EQTN: variants seen among roughly 807,000 people sequenced by gnomAD.
The protein encoded by EQTN is equatorin.
A neutral mutation model predicts 26.9 loss-of-function variants in EQTN; 29 were observed. The ratio of observed to expected loss-of-function variants is 1.08; its 90% CI spans 0.80 to 1.47. The LOEUF is 1.47. Among genes scored for constraint, EQTN ranks in the 40% most tolerant of loss-of-function variants. The probability of loss-of-function intolerance (pLI) is 0.00; values close to 1 mark genes in which losing one functional copy is unlikely to be tolerated. For missense variants in EQTN, 391 were observed against 346.1 expected (o/e 1.13, Z -1.03); for synonymous variants, 129 against 120.0 (o/e 1.07, Z -0.49).
chr9:27,291,127 AGTTT>A, intron 4 of EQTN, 64 bp from the exon 5 acceptor site: 1 of 1,425,320 alleles, frequency 7.0e-7, no homozygotes, highest in Non-Finnish European at 9.5e-7. Context: ...AAAATAATTT[AGTTT>A]GAGGAACATT....
At chr9:27,296,551 CTT>C (rs1820348160) in intron 2 of EQTN, 60 bp downstream of exon 2, 3 of 1,196,810 alleles carry the variant, frequency 2.5e-6, no homozygotes, top group African/African-American at 1.5e-5. Flanking sequence ...AAAAAGGACA[CTT>C]AAGTGAAACC....
rs1180485307 is a variant in EQTN at position 27,292,399 on chromosome 9, A to G, written c.376+2T>C. The G allele has an allele frequency of 3.2e-6, 5 of 1,576,562 alleles. No homozygotes were observed. Among genetic ancestry groups the G allele is most frequent in the Non-Finnish European group, 4.3e-6 (5 of 1,150,508 alleles). ...ATGAATACAGTGTAGTAATTTAAAT[A>G]CTTTGAATATTTTTATGAGAGGGTT... On this transcript the variant is annotated splice_donor_variant, in intron 4 of 7. Coordinates refer to ENST00000380032, the MANE Select transcript of EQTN (RefSeq NM_020641.3). LOFTEE classifies it high-confidence loss of function.
chr9:27,290,987 G>A (rs750271758), intron 5 of EQTN, 32 bp downstream of exon 5: 44 of 1,599,766 alleles, frequency 2.8e-5, no homozygotes, highest in South Asian at 9.1e-5. Context: ...AAACCAAAAT[G>A]TTTCCCAAGC....
intron 3 of EQTN, among the ~76,000 whole-genome samples, chr9:27,293,165 G>A (rs1372235158): frequency 6.6e-6 from 1 of 152,054 alleles, no homozygotes; most frequent in African/African-American, 2.4e-5. Flanking sequence ...TTCTACAGAG[G>A]GGCAGAAAAA....
rs371630229 is a variant in EQTN, at chr9:27,289,621, A to G, written c.481+51T>C. 51 of 1,493,116 alleles carry G rather than the reference A, an allele frequency of 3.4e-5. No individual in the cohort carries two copies. The African/African-American group carries it at 6.3e-4, about 19-fold the overall frequency. 92.5% of individuals were successfully genotyped at this position (1,493,116 alleles called of 1,614,324 possible). ...TGCCTCAGCCTCCCAAAGTGCTGGG[A>G]TTATAGGCATTAGCCACTGCACCCA... On this transcript the variant is annotated intron_variant, in intron 6 of 7. Transcript: ENST00000380032.
intron 3 of EQTN, 147 bp from the exon 4 acceptor site, chr9:27,292,634 C>A (rs1820260913): frequency 1.9e-6 from 1 of 524,574 alleles, no homozygotes; most frequent in Non-Finnish European, 3.3e-6. Context: ...TAACATTTTC[C>A]AGAAATAAAG....
Position 27,284,835 on chromosome 9 carries a change from G to A in EQTN, c.773C>T (p.Ser258Leu). Residue 258 changes from serine to leucine, a missense_variant, in exon 8 of 8, where the codon TCA becomes TTA. Transcript: ENST00000380032. ...TCTTGTGCCTGATCTTCTCATATCT[G>A]AAGAAGTGGTACCCAAAAATGTGCT... Reference protein sequence around the residue: ...ESSTFLGTTSSDMRRSGTRTS... With the variant: ...ESSTFLGTTSLDMRRSGTRTS... 10 of 1,614,066 alleles carry A rather than the reference G, an allele frequency of 6.2e-6. No homozygotes were observed. Among genetic ancestry groups the A allele is most frequent in the Non-Finnish European group, 8.5e-6 (10 of 1,180,004 alleles).
At chr9:27,296,346 A>G (rs1221511243) in intron 2 of EQTN, among the ~76,000 whole-genome samples, 1 of 152,210 alleles carries the variant, frequency 6.6e-6, no homozygotes, top group African/African-American at 2.4e-5. Context: ...AATAAGCCTT[A>G]AAGATAAGCA....
chr9:27,286,335 T>A lies in EQTN; in HGVS notation c.509A>T (p.Glu170Val), dbSNP rs1410283987. 6.2e-7 allele frequency: 1 copy of A among 1,600,744 alleles called. No homozygotes were observed. Among genetic ancestry groups the A allele is most frequent in the African/African-American group, 1.3e-5 (1 of 74,816 alleles). ...PESDVNATQGENQPDLEDLKI... is the reference protein window; with the variant it reads ...PESDVNATQGVNQPDLEDLKI... ...CAGATCCTCTAGATCTGGCTGATTT[T>A]CTCCCTGTGTAGCATTCACATCAGA... Residue 170 changes from glutamate (E) to valine (V), a missense_variant, in exon 7 of 8, where the codon GAA becomes GTA. Glu to Val is a moderately radical substitution (Grantham distance 121). Transcript: ENST00000380032.
In EQTN at chr9:27,284,780, G is replaced by T; in HGVS notation, c.828C>A (p.Ile276=). 6.2e-7 allele frequency: 1 copy of T among 1,614,092 alleles called. No individual in the cohort carries two copies. The change falls in exon 8 of 8, where the codon ATC becomes ATA. Residue 276 remains isoleucine (I), a synonymous_variant. Coordinates refer to ENST00000380032, the MANE Select transcript of EQTN (RefSeq NM_020641.3). ...RTSESKIMTD[I]ISIGSDNEMH... ...TCTCATTATCTGAGCCTATGGAAAT[G>T]ATATCCGTCATTATCTTAGATTCTG...
chr9:27,284,864 C>G lies in EQTN; in HGVS notation c.744G>C (p.Glu248Asp), dbSNP rs759660904. The part of the protein sequence containing the change: ...VSDTSFSKSA[E>D]SSTFLGTTSS... ...AAGTGGTACCCAAAAATGTGCTGCT[C>G]TCTGCACTCTTGGAAAAGGATGTAT... Residue 248 changes from glutamate to aspartate, a missense_variant, in exon 8 of 8, where the codon GAG becomes GAC. Physicochemically the swap from Glu to Asp is conservative, Grantham distance 45. Transcript: ENST00000380032. 7.4e-6 allele frequency: 12 copies of G among 1,613,956 alleles called. No homozygotes were observed. In the South Asian group the frequency reaches 9.9e-5, roughly 13 times the overall value.
intron 6 of EQTN, 139 bp downstream of exon 6, chr9:27,289,533 G>A (rs1445690289): frequency 7.2e-6 from 4 of 557,070 alleles, no homozygotes; most frequent in Non-Finnish European, 1.2e-5. Flanking sequence ...ATTTTTTGTA[G>A]AGAAAAGGTT....
chr9:27,285,683 A>C (rs1820104975), intron 7 of EQTN, among the ~76,000 whole-genome samples: 1 of 152,254 alleles, frequency 6.6e-6, no homozygotes. Context: ...ATTAATGATC[A>C]TTATGAACAT....
chr9:27,289,226 G>A (rs1430267208), intron 6 of EQTN, among the ~76,000 whole-genome samples: 1 of 152,178 alleles, frequency 6.6e-6, no homozygotes, highest in East Asian at 1.9e-4. Context: ...TTTGGTTTCA[G>A]GAATAAATGT....
chr9:27,295,626 G>T (rs1044340197), intron 2 of EQTN, among the ~76,000 whole-genome samples: 1 of 152,070 alleles, frequency 6.6e-6, no homozygotes, highest in African/African-American at 2.4e-5. Context: ...GAGGTCAGGA[G>T]ATCGAGACCA....
chr9:27,297,050 A>G lies in EQTN; in HGVS notation c.6T>C (p.Asn2=), dbSNP rs533745964. 1.7e-5 allele frequency: 28 copies of G among 1,603,052 alleles called. No individual in the cohort carries two copies. The Admixed American group carries it at 1.9e-4, about 11-fold the overall frequency. M[N]FILFIFIPGV... Reference sequence around the variant, plus strand: ...CAGGTATAAAAATAAACAATATAAAATTCATTGGGAAATTGAAGTGATTTA... The same window carrying G: ...CAGGTATAAAAATAAACAATATAAAGTTCATTGGGAAATTGAAGTGATTTA... The change falls in exon 1 of 8, where the codon AAT becomes AAC. Residue 2 remains asparagine, a synonymous_variant. Transcript: ENST00000380032.
At chr9:27,291,133 A>C in intron 4 of EQTN, 70 bp from the exon 5 acceptor site, 1 of 1,403,514 alleles carries the variant, frequency 7.1e-7, no homozygotes, top group Non-Finnish European at 9.6e-7. Flanking sequence ...ATTTAGTTTG[A>C]GGAACATTCG....
chr9:27,289,499 C>G (rs887397407), intron 6 of EQTN, among the ~76,000 whole-genome samples, 173 bp downstream of exon 6: 5 of 152,146 alleles, frequency 3.3e-5, no homozygotes, highest in Non-Finnish European at 1.5e-5. Context: ...CAATGACATG[C>G]CACCGTGCCC....
intron 6 of EQTN, among the ~76,000 whole-genome samples, chr9:27,288,548 A>G (rs577979128): frequency 6.6e-6 from 1 of 152,330 alleles, no homozygotes; most frequent in African/African-American, 2.4e-5. Context: ...ACTTATGTAC[A>G]CACAAAACCC....
Sources: gnomAD v4.1 joint callset for allele counts (sites outside exome capture counted in the v4.1 genomes callset) on GRCh38, gnomAD v4.1.1 for gene constraint, MANE v1.5 for transcripts, NCBI Gene and HGNC (gene_info 2026-07-23, HGNC 2026-07-21) for gene names.